Variants in ZC3H13 observed in about 807,000 individuals in gnomAD.
ZC3H13 encodes zinc finger CCCH-type containing 13.
A neutral mutation model predicts 204.1 loss-of-function variants in ZC3H13; 64 were observed. The observed-to-expected ratio is 0.31, with a 90% CI of 0.26 to 0.39. ZC3H13 has a LOEUF of 0.39. ZC3H13 is among the 10% of genes least tolerant of loss of function. The pLI, the probability that ZC3H13 is intolerant of heterozygous loss-of-function variation, is 1.00. For missense variants in ZC3H13, 1,833 were observed against 2,082.7 expected (o/e 0.88, Z 2.33); for synonymous variants, 667 against 693.7 (o/e 0.96, Z 0.60).
chr13:45,968,249 CCT>C lies in ZC3H13; in HGVS notation c.3797-223_3797-222del, dbSNP rs142707558. ...TATATAAATCATTTTAAGAAAAATTCCTCTCTCAAAGTTCTAATAAATAAAAA... is the reference window on the plus strand; with the variant it reads ...TATATAAATCATTTTAAGAAAAATTCCTCTCAAAGTTCTAATAAATAAAAA... On this transcript the variant is annotated intron_variant, in intron 14 of 18. Transcript: ENST00000679008. Among the ~76,000 whole-genome samples, 6 of 151,590 alleles carry C rather than the reference CCT, an allele frequency of 4.0e-5. No homozygotes were observed. In the East Asian group the frequency reaches 9.7e-4, roughly 25 times the overall value.
chr13:45,983,413 A>ATATATATATATATATT (rs1555277663), intron 10 of ZC3H13, among the ~76,000 whole-genome samples: 1 of 31,130 alleles, frequency 3.2e-5, no homozygotes, highest in Non-Finnish European at 4.9e-5. Context: ...ATATATATAT[A>ATATATATATATATATT]TTTTTTTTTT....
At chr13:45,998,896 T>G (rs796101844) in intron 8 of ZC3H13, among the ~76,000 whole-genome samples, 1 of 152,118 alleles carries the variant, frequency 6.6e-6, no homozygotes, top group Non-Finnish European at 1.5e-5. Context: ...AAAAGATTTA[T>G]CTGTAGCTTG....
Position 45,967,936 on chromosome 13 carries a change from C to T in ZC3H13, c.3889G>A (p.Asp1297Asn). 2.5e-6 allele frequency: 4 copies of T among 1,614,056 alleles called. No homozygotes were observed. The highest frequency in any genetic ancestry group is 3.4e-6 in the Non-Finnish European group (4 of 1,179,958). Residue 1297 changes from aspartate to asparagine, a missense_variant, in exon 15 of 19, where the codon GAC becomes AAC. Physicochemically the swap from Asp to Asn is conservative, Grantham distance 23. Coordinates refer to ENST00000679008, the MANE Select transcript of ZC3H13 (RefSeq NM_001330564.2). ...TATCGATCTCGTTCTTGAAGCCTGTCTCTGCTATCAAATGACCCAGATCTT... is the reference window on the plus strand; with the variant it reads ...TATCGATCTCGTTCTTGAAGCCTGTTTCTGCTATCAAATGACCCAGATCTT... ...HSRSGSFDSR[D>N]RLQERDRYEH...
rs1424986601 is a variant in ZC3H13 at position 45,969,579 on chromosome 13, C to T, written c.2965G>A (p.Gly989Ser). The change falls in exon 14 of 19, where the codon GGT (glycine) becomes AGT (serine). Residue 989 changes from glycine to serine, a missense_variant. By Grantham distance (56) the Gly-to-Ser change is moderately conservative. This residue lies in a region of ZC3H13 where 1,574 missense variants were observed against 1,757.2 expected (regional missense o/e 0.90). Coordinates refer to ENST00000679008, the MANE Select transcript of ZC3H13 (RefSeq NM_001330564.2). ...CCTTTTTTTGGTGAAAATACTTGAC[C>T]ATCTTCAGATGTTGTCTCTATGTTA... ...RGNIETTSED[G>S]QVFSPKKGQK... 6 of 1,610,234 alleles carry T rather than the reference C, an allele frequency of 3.7e-6. No homozygotes were observed. The highest frequency in any genetic ancestry group is 1.3e-5 in the African/African-American group (1 of 74,386).
In ZC3H13 at chr13:45,965,332, C is replaced by T. The variant is rs1327717022; in HGVS notation, c.4422G>A (p.Leu1474=). The change falls in exon 16 of 19, where the codon CTG becomes CTA. Residue 1474 remains leucine (L), a synonymous_variant. Coordinates refer to ENST00000679008, the MANE Select transcript of ZC3H13 (RefSeq NM_001330564.2). ...CCTCCCTCTTTTCTGCATCACCTGCCAGAATTTCATCTAGTTCGTCATCAC... is the reference window on the plus strand; with the variant it reads ...CCTCCCTCTTTTCTGCATCACCTGCTAGAATTTCATCTAGTTCGTCATCAC... ...PISDDELDEI[L]AGDAEKREDQ... 10 of 1,613,582 alleles carry T rather than the reference C, an allele frequency of 6.2e-6. No homozygotes were observed. Among genetic ancestry groups the T allele is most frequent in the African/African-American group, 1.3e-5 (1 of 74,866 alleles).
intron 13 of ZC3H13, 84 bp from the exon 14 acceptor site, chr13:45,970,055 A>C (rs763905459): frequency 1.3e-4 from 188 of 1,478,366 alleles, no homozygotes; most frequent in Non-Finnish European, 1.6e-4. Flanking sequence ...ATTTCTCCTC[A>C]CACCTGTAAT....
At chr13:46,005,468 T>C (rs930691197) in intron 7 of ZC3H13, among the ~76,000 whole-genome samples, 1 of 152,130 alleles carries the variant, frequency 6.6e-6, no homozygotes, top group South Asian at 2.1e-4. Flanking sequence ...AATTTGGCAA[T>C]CTCGTTGTTC....
chr13:45,992,547 G>A (rs2040038517), intron 8 of ZC3H13, among the ~76,000 whole-genome samples: 1 of 152,100 alleles, frequency 6.6e-6, no homozygotes, highest in Non-Finnish European at 1.5e-5. Context: ...ACTTGTGGGA[G>A]TTATTTATAT....
intron 4 of ZC3H13, among the ~76,000 whole-genome samples, chr13:46,025,321 A>C (rs774330771): frequency 2.6e-4 from 39 of 152,046 alleles, no homozygotes; most frequent in Non-Finnish European, 4.6e-4. Flanking sequence ...CGATCTATCT[A>C]CTTGAGACAG....
Position 46,045,374 on chromosome 13 carries a change from T to C in ZC3H13, c.117+17A>G. 1 of 1,574,686 alleles carries C rather than the reference T, an allele frequency of 6.4e-7. No homozygotes were observed. Among genetic ancestry groups the C allele is most frequent in the Non-Finnish European group, 8.7e-7 (1 of 1,144,262 alleles). On this transcript the variant is annotated intron_variant, in intron 2 of 18. Transcript: ENST00000679008. ...AATTCTAAGAGAACCCCTGTGACTA[T>C]ACTAGTGACAACTCACCTCTGCTGT...
chr13:46,042,339 A>G, intron 3 of ZC3H13, 64 bp from the exon 4 acceptor site: 1 of 1,067,356 alleles, frequency 9.4e-7, no homozygotes, highest in Non-Finnish European at 1.4e-6. Context: ...CTGTATTTAT[A>G]TATTAATAAC....
intron 1 of ZC3H13, among the ~76,000 whole-genome samples, chr13:46,050,487 C>A (rs189118754): frequency 7.9e-5 from 12 of 152,204 alleles, no homozygotes; most frequent in African/African-American, 2.6e-4. Context: ...AGGGAAATTT[C>A]AAACAATTAG....
At position 46,052,654 on chromosome 13, in the gene ZC3H13, T is replaced by C. The variant is rs2139322649; in HGVS notation, c.-260A>G. ...CGAAACTGGGTCGCAGGAAGAAAAA[T>C]AACGAAGAGATTGTAGATTAAGAAA... On this transcript the variant is annotated 5_prime_UTR_variant, in exon 1 of 19. Coordinates refer to ENST00000679008, the MANE Select transcript of ZC3H13 (RefSeq NM_001330564.2). 2.5e-6 allele frequency: 1 copy of C among 398,384 alleles called. No individual in the cohort carries two copies. Among genetic ancestry groups the C allele is most frequent in the South Asian group, 1.3e-4 (1 of 7,846 alleles). The allele number at this position is 398,384 out of a possible 1,614,324, so 24.7% of individuals were successfully genotyped here.
At chr13:46,049,352 T>C (rs1351121713) in intron 1 of ZC3H13, among the ~76,000 whole-genome samples, 2 of 152,058 alleles carry the variant, frequency 1.3e-5, no homozygotes, top group Non-Finnish European at 2.9e-5. Context: ...GATATATATA[T>C]GTGTGTGTGT....
At chr13:46,039,914 C>A (rs754956107) in intron 4 of ZC3H13, among the ~76,000 whole-genome samples, 2 of 152,104 alleles carry the variant, frequency 1.3e-5, no homozygotes, top group African/African-American at 2.4e-5. Context: ...AAGGGGCAAA[C>A]CCTAGAAAGC....
At chr13:46,024,650 C>T (rs2042425074) in intron 4 of ZC3H13, among the ~76,000 whole-genome samples, 1 of 151,214 alleles carries the variant, frequency 6.6e-6, no homozygotes, top group African/African-American at 2.4e-5. Context: ...CTGCACATCT[C>T]GTATCTGTAG....
At chr13:46,039,628 A>G (rs1235985809) in intron 4 of ZC3H13, among the ~76,000 whole-genome samples, 2 of 152,198 alleles carry the variant, frequency 1.3e-5, no homozygotes, top group Non-Finnish European at 1.5e-5. Flanking sequence ...GTACTGACTC[A>G]TAAGAGCTGA....
chr13:46,027,302 T>G (rs2042600669), intron 4 of ZC3H13, among the ~76,000 whole-genome samples: 1 of 152,084 alleles, frequency 6.6e-6, no homozygotes, highest in Non-Finnish European at 1.5e-5. Context: ...ATGGGAGTTT[T>G]GCCATGTTGC....
chr13:46,038,053 G>A (rs773211824), intron 4 of ZC3H13, among the ~76,000 whole-genome samples: 6 of 152,110 alleles, frequency 3.9e-5, no homozygotes, highest in Admixed American at 3.3e-4. Flanking sequence ...TAGTTCCAGG[G>A]TCTGGAGGTA....
Sources: gnomAD v4.1 joint callset for allele counts (sites outside exome capture counted in the v4.1 genomes callset) on GRCh38, gnomAD v4.1.1 for gene constraint, gnomAD v4.1.1 regional missense constraint, MANE v1.5 for transcripts, NCBI Gene and HGNC (gene_info 2026-07-23, HGNC 2026-07-21) for gene names.